Variants in PTPRT observed in about 807,000 individuals in gnomAD.
PTPRT encodes receptor-type tyrosine-protein phosphatase T.
PTPRT carries 56 observed loss-of-function variants against 176.8 expected under a neutral mutation model. The ratio of observed to expected loss-of-function variants is 0.32; its 90% CI spans 0.26 to 0.40. PTPRT has a LOEUF of 0.40. Ranked by LOEUF, PTPRT falls within the 10% of genes least tolerant of loss-of-function variation. PTPRT has a pLI of 1.00. For synonymous variants in PTPRT, 783 were observed against 739.0 expected, an observed-to-expected ratio of 1.06 and a Z score of -0.96; for missense variants, 1,540 against 1,908.2, an observed-to-expected ratio of 0.81 and a Z score of 3.60.
intron 1 of PTPRT, among the ~76,000 whole-genome samples, chr20:42,895,135 C>T (rs768275705): frequency 6.6e-6 from 1 of 152,200 alleles, no homozygotes; most frequent in Admixed American, 6.5e-5. Context: ...TTGTATTAGC[C>T]TGCTAGGGCT....
intron 7 of PTPRT, among the ~76,000 whole-genome samples, chr20:42,594,911 T>C (rs1361031518): frequency 6.6e-6 from 1 of 152,158 alleles, no homozygotes; most frequent in Admixed American, 6.5e-5. Context: ...GTGGGAACCC[T>C]GACAAACAGA....
At chr20:42,206,577 G>A (rs1472667803) in intron 15 of PTPRT, among the ~76,000 whole-genome samples, 2 of 152,196 alleles carry the variant, frequency 1.3e-5, no homozygotes, top group Non-Finnish European at 2.9e-5. Context: ...TTTCCGACGG[G>A]CTTAAAAAAC....
chr20:42,119,305 A>T (rs957868811), intron 20 of PTPRT, among the ~76,000 whole-genome samples: 3 of 152,198 alleles, frequency 2.0e-5, no homozygotes, highest in African/African-American at 7.2e-5. Context: ...GTTTTCTATA[A>T]TATGGCGGTA....
chr20:43,033,695 C>T (rs1986242379), intron 1 of PTPRT, among the ~76,000 whole-genome samples: 1 of 152,160 alleles, frequency 6.6e-6, no homozygotes, highest in Non-Finnish European at 1.5e-5. Flanking sequence ...GGTAATTTTA[C>T]CTCCAAATCT....
At chr20:42,867,387 C>A (rs908597238) in intron 2 of PTPRT, among the ~76,000 whole-genome samples, 1 of 140,024 alleles carries the variant, frequency 7.1e-6, no homozygotes, top group Non-Finnish European at 1.5e-5. Flanking sequence ...GAAAAGAACA[C>A]AGATTTTTTT....
intron 12 of PTPRT, among the ~76,000 whole-genome samples, chr20:42,304,930 CT>C (rs1177364180): frequency 1.3e-5 from 2 of 152,192 alleles, no homozygotes; most frequent in South Asian, 2.1e-4. Flanking sequence ...GCCACCTGCT[CT>C]TTTTTTCCTT....
chr20:42,099,557 G>GGC (rs1985703784), intron 26 of PTPRT, among the ~76,000 whole-genome samples: 1 of 42,850 alleles, frequency 2.3e-5, no homozygotes, highest in Admixed American at 2.4e-4. Flanking sequence ...GGGGGGGGGG[G>GGC]GGGTGGGGTG....
intron 1 of PTPRT, among the ~76,000 whole-genome samples, chr20:43,176,829 A>G (rs2146472303): frequency 6.6e-6 from 1 of 152,312 alleles, no homozygotes; most frequent in African/African-American, 2.4e-5. Flanking sequence ...GTCATCCAAC[A>G]TGCTGATATA....
At chr20:43,152,819 T>C (rs2014400742) in intron 1 of PTPRT, among the ~76,000 whole-genome samples, 1 of 152,216 alleles carries the variant, frequency 6.6e-6, no homozygotes, top group African/African-American at 2.4e-5. Context: ...AATTACATAC[T>C]ATATATCAAG....
chr20:43,163,507 G>A (rs893186971), intron 1 of PTPRT, among the ~76,000 whole-genome samples: 8 of 152,068 alleles, frequency 5.3e-5, no homozygotes, highest in African/African-American at 1.7e-4. Context: ...GCGTGGTGGT[G>A]GGCGCCTATA....
intron 9 of PTPRT, among the ~76,000 whole-genome samples, chr20:42,375,904 T>C (rs988124264): frequency 2.6e-5 from 4 of 152,154 alleles, no homozygotes; most frequent in Non-Finnish European, 4.4e-5. Context: ...AACATTAGTG[T>C]TCAACATTGC....
At chr20:42,196,919 TG>T (rs1320403122) in intron 16 of PTPRT, among the ~76,000 whole-genome samples, 1 of 152,180 alleles carries the variant, frequency 6.6e-6, no homozygotes, top group African/African-American at 2.4e-5. Context: ...TCACTGGTAA[TG>T]TGCAAAGCGG....
At chr20:42,392,431 C>T (rs2145675016) in intron 9 of PTPRT, among the ~76,000 whole-genome samples, 1 of 148,738 alleles carries the variant, frequency 6.7e-6, no homozygotes, top group South Asian at 2.1e-4. Context: ...TTTGGTATTT[C>T]TCAAAAAAAA....
At chr20:42,780,487 C>G (rs982103587) in intron 3 of PTPRT, among the ~76,000 whole-genome samples, 188 bp from the exon 4 acceptor site, 1 of 152,166 alleles carries the variant, frequency 6.6e-6, no homozygotes, top group Admixed American at 6.5e-5. Context: ...AAAGGCCACA[C>G]TTTGGTGGCT....
intron 13 of PTPRT, among the ~76,000 whole-genome samples, chr20:42,262,430 C>T (rs1453456777): frequency 6.6e-6 from 1 of 152,236 alleles, no homozygotes; most frequent in African/African-American, 2.4e-5. Flanking sequence ...AGGCGAGACA[C>T]TGGGCTCAGC....
intron 2 of PTPRT, among the ~76,000 whole-genome samples, chr20:42,817,981 T>A (rs2077819378): frequency 6.6e-6 from 1 of 152,022 alleles, no homozygotes; most frequent in Admixed American, 6.5e-5. Flanking sequence ...GACAAGTAGG[T>A]TTCCCCCCAG....
intron 1 of PTPRT, among the ~76,000 whole-genome samples, chr20:42,900,026 ACTTT>A (rs1568669723): frequency 6.6e-6 from 1 of 152,244 alleles, no homozygotes; most frequent in Non-Finnish European, 1.5e-5. Context: ...CACTATCCAC[ACTTT>A]ATGCAAGATG....
At chr20:42,367,658 T>C (rs1258814732) in intron 9 of PTPRT, among the ~76,000 whole-genome samples, 2 of 152,100 alleles carry the variant, frequency 1.3e-5, no homozygotes, top group African/African-American at 4.8e-5. Context: ...GAGCAGGTGA[T>C]GCAGGGGTGA....
At chr20:42,234,270 T>A (rs191628146) in intron 15 of PTPRT, among the ~76,000 whole-genome samples, 43 of 152,296 alleles carry the variant, frequency 2.8e-4, no homozygotes, top group African/African-American at 1.0e-3. Context: ...TCACAGCAAC[T>A]CTGTGAGTCA....
Sources: gnomAD v4.1 joint callset for allele counts (sites outside exome capture counted in the v4.1 genomes callset) on GRCh38, gnomAD v4.1.1 for gene constraint, MANE v1.5 for transcripts, NCBI Gene and HGNC (gene_info 2026-07-23, HGNC 2026-07-21) for gene names.